MAPK10: variants seen among roughly 807,000 people sequenced by gnomAD.
MAPK10 encodes the protein JNK3 alpha protein kinase.
In MAPK10, 25 loss-of-function variants were observed where a neutral mutation model predicts 59.3. That is an observed-to-expected ratio of 0.42 (90% confidence interval 0.31 to 0.59). MAPK10 has a LOEUF of 0.59. MAPK10 is among the 20% of genes least tolerant of loss of function. MAPK10 has a pLI of 0.15. For synonymous variants in MAPK10, 190 were observed against 200.5 expected, an observed-to-expected ratio of 0.95 and a Z score of 0.44; for missense variants, 351 against 568.9, an observed-to-expected ratio of 0.62 and a Z score of 3.90.
At chr4:86,353,925 C>T (rs1408162567) in intron 2 of MAPK10, among the ~76,000 whole-genome samples, 1 of 152,100 alleles carries the variant, frequency 6.6e-6, no homozygotes, top group African/African-American at 2.4e-5. Flanking sequence ...GACATTCTAC[C>T]TGTGTGTGCT....
chr4:86,246,876 T>C (rs1210736759), intron 2 of MAPK10, among the ~76,000 whole-genome samples: 1 of 152,186 alleles, frequency 6.6e-6, no homozygotes, highest in Non-Finnish European at 1.5e-5. Flanking sequence ...TCTTGATTAG[T>C]AGCCAATCAT....
At chr4:86,401,933 C>A (rs1415551238) in intron 1 of MAPK10, among the ~76,000 whole-genome samples, 1 of 152,032 alleles carries the variant, frequency 6.6e-6, no homozygotes, top group Non-Finnish European at 1.5e-5. Context: ...GAAACTATCC[C>A]TCCTCCTCCC....
intron 1 of MAPK10, among the ~76,000 whole-genome samples, chr4:86,532,379 C>T (rs899630521): frequency 2.6e-5 from 4 of 152,126 alleles, no homozygotes; most frequent in African/African-American, 9.7e-5. Context: ...TAAACATTTT[C>T]TACTGATGTC....
At chr4:86,182,985 G>A (rs2077244587) in intron 3 of MAPK10, among the ~76,000 whole-genome samples, 1 of 151,904 alleles carries the variant, frequency 6.6e-6, no homozygotes, top group Non-Finnish European at 1.5e-5. Flanking sequence ...GTAGAAAGTT[G>A]AACTGAAAAA....
At chr4:86,096,572 T>G (rs1283974710) in intron 9 of MAPK10, among the ~76,000 whole-genome samples, 1 of 151,970 alleles carries the variant, frequency 6.6e-6, no homozygotes, top group Non-Finnish European at 1.5e-5. Flanking sequence ...TGTGGCTTTT[T>G]GCTTTCCACT....
At chr4:86,177,217 T>A (rs1156452182) in intron 3 of MAPK10, among the ~76,000 whole-genome samples, 1 of 152,074 alleles carries the variant, frequency 6.6e-6, no homozygotes, top group East Asian at 1.9e-4. Flanking sequence ...AGGTGAAGAC[T>A]CTAAATTGAG....
chr4:86,360,188 T>A, upstream of MAPK10: 1 of 985,984 alleles, frequency 1.0e-6, no homozygotes, highest in Non-Finnish European at 1.2e-6. Flanking sequence ...AGGAAGCGTC[T>A]ATGTGCAGCT....
chr4:86,476,781 C>A (rs1753127071), intron 1 of MAPK10, among the ~76,000 whole-genome samples: 1 of 152,144 alleles, frequency 6.6e-6, no homozygotes, highest in African/African-American at 2.4e-5. Context: ...CCAGCCACAT[C>A]ACCAGCATAC....
intron 1 of MAPK10, among the ~76,000 whole-genome samples, chr4:86,562,198 G>T (rs907954683): frequency 1.3e-5 from 2 of 152,166 alleles, no homozygotes; most frequent in African/African-American, 4.8e-5. Flanking sequence ...AAGATTGTTT[G>T]AGCCCAGGAG....
At chr4:86,589,682 C>CAAA (rs879534619) in intron 1 of MAPK10, among the ~76,000 whole-genome samples, 3 of 114,584 alleles carry the variant, frequency 2.6e-5, no homozygotes, top group African/African-American at 9.7e-5. Context: ...AACTCCGTCT[C>CAAA]AAAAAAAAAA....
chr4:86,228,692 C>T (rs2091063603), intron 2 of MAPK10, among the ~76,000 whole-genome samples: 1 of 152,054 alleles, frequency 6.6e-6, no homozygotes, highest in Non-Finnish European at 1.5e-5. Flanking sequence ...ATCTGTTACC[C>T]ACCATACAAT....
intron 1 of MAPK10, among the ~76,000 whole-genome samples, chr4:86,558,263 T>C (rs1263895525): frequency 6.6e-6 from 1 of 152,198 alleles, no homozygotes; most frequent in Non-Finnish European, 1.5e-5. Context: ...AAGTATATTC[T>C]TATTTGATGT....
At chr4:86,378,703 A>G (rs1446842237) in intron 1 of MAPK10, among the ~76,000 whole-genome samples, 2 of 152,326 alleles carry the variant, frequency 1.3e-5, no homozygotes, top group East Asian at 1.9e-4. Flanking sequence ...CAAAGCGAAG[A>G]TATCATTCAG....
chr4:86,172,894 G>A (rs1562664827), intron 3 of MAPK10, among the ~76,000 whole-genome samples: 2 of 151,810 alleles, frequency 1.3e-5, no homozygotes, highest in Admixed American at 1.3e-4. Context: ...AAATGCCTAG[G>A]AATACAGTTA....
chr4:86,536,254 C>T (rs2149093283), intron 1 of MAPK10, among the ~76,000 whole-genome samples: 1 of 152,316 alleles, frequency 6.6e-6, no homozygotes, highest in Middle Eastern at 3.4e-3. Flanking sequence ...CATATAAATT[C>T]ATGCTTTCTT....
chr4:86,116,262 C>T (rs146198150), intron 4 of MAPK10, among the ~76,000 whole-genome samples: 21 of 152,264 alleles, frequency 1.4e-4, no homozygotes, highest in African/African-American at 4.8e-4. Flanking sequence ...ACCAGATGGA[C>T]ACATTCATAT....
intron 1 of MAPK10, among the ~76,000 whole-genome samples, chr4:86,547,643 G>A (rs1239389210): frequency 1.3e-5 from 2 of 152,184 alleles, no homozygotes; most frequent in African/African-American, 2.4e-5. Context: ...GAATGCCGGC[G>A]GCAGGCAGGG....
intron 11 of MAPK10, among the ~76,000 whole-genome samples, chr4:86,049,234 C>T (rs753233785): frequency 5.3e-4 from 81 of 151,910 alleles, no homozygotes; most frequent in Non-Finnish European, 3.7e-4. Flanking sequence ...GAGTTGATAA[C>T]GTTAATGAGT....
At chr4:86,135,103 TGGGGGA>T (rs1036603666) in intron 4 of MAPK10, among the ~76,000 whole-genome samples, 1 of 152,092 alleles carries the variant, frequency 6.6e-6, no homozygotes, top group African/African-American at 2.4e-5. Context: ...GCAGCGAGGC[TGGGGGA>T]GGGGCGCCCG....
Sources: allele counts gnomAD v4.1 joint callset (sites outside exome capture counted in the v4.1 genomes callset), GRCh38; gene constraint gnomAD v4.1.1; transcripts MANE v1.5; gene names NCBI Gene and HGNC (gene_info 2026-07-23, HGNC 2026-07-21).